GPHN: variants seen among roughly 807,000 people sequenced by gnomAD.
GPHN encodes the protein gephyrin.
A neutral mutation model predicts 95.5 loss-of-function variants in GPHN; 17 were observed. The ratio of observed to expected loss-of-function variants is 0.18; its 90% CI spans 0.12 to 0.27. The LOEUF is 0.27. Ranked by LOEUF, GPHN falls within the 10% of genes least tolerant of loss-of-function variation. The pLI is 1.00. For missense variants in GPHN, 660 were observed against 978.1 expected (o/e 0.67, Z 4.34); for synonymous variants, 320 against 322.5 (o/e 0.99, Z 0.08).
chr14:66,715,620 T>C (rs952165173), intron 2 of GPHN, among the ~76,000 whole-genome samples: 9 of 152,320 alleles, frequency 5.9e-5, no homozygotes, highest in African/African-American at 2.2e-4. Context: ...TGTTTAGGGC[T>C]ATGAACTTTC....
chr14:66,833,477 C>A (rs1231171534), intron 4 of GPHN, among the ~76,000 whole-genome samples: 1 of 152,070 alleles, frequency 6.6e-6, no homozygotes, highest in Non-Finnish European at 1.5e-5. Flanking sequence ...CATATCACTG[C>A]CGTTATTCAG....
At chr14:67,370,306 A>T in the GPHN span, among the ~76,000 whole-genome samples, 48 of 152,348 alleles carry the variant, frequency 3.2e-4, no homozygotes, top group African/African-American at 1.1e-3. Context: ...GTTTATGGCT[A>T]GATTTTAGGG....
intron 18 of GPHN, among the ~76,000 whole-genome samples, chr14:67,155,222 A>G (rs1202188052): frequency 1.3e-5 from 2 of 152,252 alleles, no homozygotes; most frequent in Non-Finnish European, 2.9e-5. Flanking sequence ...ACTAGCCTTC[A>G]CACGGACTGA....
chr14:67,173,653 CA>C (rs1352578100), intron 21 of GPHN, among the ~76,000 whole-genome samples: 1 of 152,108 alleles, frequency 6.6e-6, no homozygotes, highest in African/African-American at 2.4e-5. Context: ...CACAAAAAAG[CA>C]AGCAAATATA....
At chr14:67,376,153 C>T in the GPHN span, among the ~76,000 whole-genome samples, 1 of 130,546 alleles carries the variant, frequency 7.7e-6, no homozygotes, top group Non-Finnish European at 1.5e-5. Flanking sequence ...TATATTTGAT[C>T]TATGCGAGCA....
At chr14:66,896,430 G>A (rs1364399948) in intron 5 of GPHN, among the ~76,000 whole-genome samples, 1 of 151,932 alleles carries the variant, frequency 6.6e-6, no homozygotes, top group Non-Finnish European at 1.5e-5. Flanking sequence ...ACAAGCCTGG[G>A]CAATATGGCA....
the GPHN span, chr14:67,642,093 G>A: frequency 8.3e-7 from 1 of 1,209,254 alleles, no homozygotes; most frequent in Non-Finnish European, 1.2e-6. Context: ...ATTATGATGT[G>A]TACTTTGTCA....
At chr14:67,403,462 T>C in the GPHN span, among the ~76,000 whole-genome samples, 1 of 152,254 alleles carries the variant, frequency 6.6e-6, no homozygotes, top group Non-Finnish European at 1.5e-5. Context: ...TTTGTCTGAC[T>C]GTATGGTCCC....
the GPHN span, among the ~76,000 whole-genome samples, chr14:67,699,199 G>A: frequency 6.6e-6 from 1 of 151,804 alleles, no homozygotes; most frequent in African/African-American, 2.4e-5. Flanking sequence ...GTTTCAATGA[G>A]CCAAGTTCGC....
chr14:67,348,929 A>T, the GPHN span: 2 of 1,033,730 alleles, frequency 1.9e-6, no homozygotes, highest in Non-Finnish European at 2.9e-6. Flanking sequence ...AACTTGTTCT[A>T]AGTAGAAGGA....
the GPHN span, among the ~76,000 whole-genome samples, chr14:67,210,229 A>C: frequency 6.6e-6 from 1 of 152,242 alleles, no homozygotes; most frequent in African/African-American, 2.4e-5. Context: ...TAACCAGGAA[A>C]TAGTATGTCG....
downstream of GPHN, among the ~76,000 whole-genome samples, chr14:67,185,876 T>G (rs1202497477): frequency 1.3e-5 from 2 of 152,118 alleles, no homozygotes; most frequent in African/African-American, 2.4e-5. Flanking sequence ...GGGTAAGGGG[T>G]TATGTAAGTA....
chr14:67,463,340 T>A, the GPHN span, among the ~76,000 whole-genome samples: 1 of 152,124 alleles, frequency 6.6e-6, no homozygotes, highest in Non-Finnish European at 1.5e-5. Context: ...TAATATTCCA[T>A]TTTAAGATGT....
At chr14:67,711,115 C>A in the GPHN span, among the ~76,000 whole-genome samples, 1 of 152,162 alleles carries the variant, frequency 6.6e-6, no homozygotes, top group African/African-American at 2.4e-5. Context: ...GATAACAAAC[C>A]TTACTTCCTG....
chr14:66,712,594 T>A (rs2069758571), intron 2 of GPHN, among the ~76,000 whole-genome samples: 2 of 152,250 alleles, frequency 1.3e-5, no homozygotes, highest in Non-Finnish European at 2.9e-5. Flanking sequence ...GGTTGCCTGT[T>A]CACTCTGATG....
intron 8 of GPHN, among the ~76,000 whole-genome samples, chr14:66,936,481 G>A (rs139175221): frequency 2.0e-4 from 31 of 152,166 alleles, no homozygotes; most frequent in African/African-American, 4.3e-4. Context: ...ATCGAATGTC[G>A]AATGTGTTTA....
intron 3 of GPHN, among the ~76,000 whole-genome samples, chr14:66,778,563 A>G (rs1016887284): frequency 6.6e-6 from 1 of 152,102 alleles, no homozygotes; most frequent in African/African-American, 2.4e-5. Context: ...AGAATAAACA[A>G]TACTGGTTAA....
intron 17 of GPHN, among the ~76,000 whole-genome samples, chr14:67,133,724 G>T (rs2079866729): frequency 1.3e-5 from 2 of 152,132 alleles, no homozygotes; most frequent in African/African-American, 4.8e-5. Flanking sequence ...TGAGAAAGCT[G>T]CATTCATTCT....
the GPHN span, chr14:67,383,593 A>G: frequency 7.2e-6 from 8 of 1,113,418 alleles, no homozygotes; most frequent in Non-Finnish European, 1.0e-5. Context: ...AGAACATGAA[A>G]TGCCCTCCTA....
Sources: gnomAD v4.1 joint callset for allele counts (sites outside exome capture counted in the v4.1 genomes callset) on GRCh38, gnomAD v4.1.1 for gene constraint, MANE v1.5 for transcripts, NCBI Gene and HGNC (gene_info 2026-07-23, HGNC 2026-07-21) for gene names.